The following SLC7A2 variants were observed in gnomAD, a reference collection of about 807,000 sequenced individuals.
SLC7A2 encodes the protein cationic amino acid transporter 2.
A neutral mutation model predicts 58.9 loss-of-function variants in SLC7A2; 48 were observed. The observed-to-expected ratio is 0.82, with a 90% CI of 0.65 to 1.04. The LOEUF (loss-of-function observed/expected upper bound fraction) is 1.04. SLC7A2 is among the 50% of genes least tolerant of loss of function. The pLI, the probability that SLC7A2 is intolerant of heterozygous loss-of-function variation, is 0.00. For synonymous variants in SLC7A2, 363 were observed against 314.5 expected, an observed-to-expected ratio of 1.15 and a Z score of -1.63; for missense variants, 1,029 against 818.8, an observed-to-expected ratio of 1.26 and a Z score of -3.13.
At chr8:17,537,868 G>A (rs918128012) in intron 2 of SLC7A2, among the ~76,000 whole-genome samples, 2 of 152,156 alleles carry the variant, frequency 1.3e-5, no homozygotes, top group Non-Finnish European at 2.9e-5. Flanking sequence ...TGAGGGCTTT[G>A]CTTTCTTCAT....
intron 2 of SLC7A2, among the ~76,000 whole-genome samples, chr8:17,525,160 G>A (rs1371995021): frequency 6.6e-6 from 1 of 152,110 alleles, no homozygotes; most frequent in South Asian, 2.1e-4. Context: ...CTTTCTGGGT[G>A]TCTTAGAGAT....
chr8:17,528,076 G>T (rs576779473), intron 2 of SLC7A2, among the ~76,000 whole-genome samples: 106 of 152,214 alleles, frequency 7.0e-4, no homozygotes, highest in African/African-American at 2.3e-3. Context: ...AGTGCAGAAC[G>T]CCCTGGGGCA....
In SLC7A2 at chr8:17,567,126, C is replaced by T. The variant is rs1188310606; in HGVS notation, c.*1980C>T. ...TAAAATCTGAAGCCCAGAATTTTCTCTCAAGCTGCGTGGTTTACTGGAGAG... is the reference window on the plus strand; with the variant it reads ...TAAAATCTGAAGCCCAGAATTTTCTTTCAAGCTGCGTGGTTTACTGGAGAG... On this transcript the variant is annotated 3_prime_UTR_variant, in exon 13 of 13. Coordinates refer to ENST00000494857, the MANE Select transcript of SLC7A2 (RefSeq NM_001370338.1). 6.5e-6 allele frequency: 1 copy of T among 152,718 alleles called. No homozygotes were observed. Among genetic ancestry groups the T allele is most frequent in the Admixed American group, 6.5e-5 (1 of 15,286 alleles). 9.5% of individuals were successfully genotyped at this position (152,718 alleles called of 1,614,324 possible). A position where few individuals can be genotyped will look rare whatever the true frequency, so the allele number is the denominator to read the frequency against.
chr8:17,543,651 C>G lies in SLC7A2; in HGVS notation c.312C>G (p.Tyr104Ter). ...PKTGSAYLYT[Y>*]VTVGELWAFI... is the part of the protein sequence containing the mutation. ...CGGGGTCTGCATATTTGTACACCTA[C>G]GTGACTGTCGGAGAGCTGTGGGCCT... The change falls in exon 3 of 13, where the codon TAC (tyrosine) becomes TAG (stop). Residue 104 changes from tyrosine (Y) to a stop codon, truncating the protein, a stop_gained. Transcript: ENST00000494857. LOFTEE classifies it high-confidence loss of function. The G allele has an allele frequency of 6.4e-7, 1 of 1,551,828 alleles. No homozygotes were observed. The highest frequency in any genetic ancestry group is 8.7e-7 in the Non-Finnish European group (1 of 1,150,646).
intron 2 of SLC7A2, among the ~76,000 whole-genome samples, chr8:17,517,057 A>G (rs930859250): frequency 6.6e-6 from 1 of 152,200 alleles, no homozygotes; most frequent in African/African-American, 2.4e-5. Context: ...TGGGAATTCT[A>G]TACGAAAAGT....
intron 2 of SLC7A2, among the ~76,000 whole-genome samples, chr8:17,539,759 A>T (rs1801830248): frequency 6.6e-6 from 1 of 152,144 alleles, no homozygotes; most frequent in Non-Finnish European, 1.5e-5. Flanking sequence ...GGTGCAGATC[A>T]TCTGCTCCTG....
intron 7 of SLC7A2, among the ~76,000 whole-genome samples, chr8:17,553,628 T>C (rs1281239852): frequency 6.6e-6 from 1 of 152,082 alleles, no homozygotes; most frequent in East Asian, 1.9e-4. Context: ...AGAAATTAGC[T>C]GAGCATGGTG....
chr8:17,567,513 CGGATGT>C lies in SLC7A2; in HGVS notation c.*2369_*2374del, dbSNP rs1434921099. 1.3e-5 allele frequency: 2 copies of C among 152,450 alleles called. No homozygotes were observed. The highest frequency in any genetic ancestry group is 1.3e-4 in the Admixed American group (2 of 15,252). The allele number at this position is 152,450 out of a possible 1,614,324, so 9.4% of individuals were successfully genotyped here. On this transcript the variant is annotated 3_prime_UTR_variant, in exon 13 of 13. Coordinates refer to ENST00000494857, the MANE Select transcript of SLC7A2 (RefSeq NM_001370338.1). ...TGCCTTTTTTTCTGTGAAGACTCAACGGATGTGTGTGTTTGTATGTTTGTTAACAGT... is the reference window on the plus strand; with the variant it reads ...TGCCTTTTTTTCTGTGAAGACTCAACGTGTGTTTGTATGTTTGTTAACAGT...
At chr8:17,563,220 G>T (rs529372682) in intron 11 of SLC7A2, among the ~76,000 whole-genome samples, 1 of 152,264 alleles carries the variant, frequency 6.6e-6, no homozygotes, top group East Asian at 1.9e-4. Context: ...TGTCCCATTT[G>T]AGCTAACCGT....
upstream of SLC7A2, among the ~76,000 whole-genome samples, chr8:17,494,879 G>C (rs1335049809): frequency 2.0e-5 from 3 of 152,232 alleles, no homozygotes; most frequent in South Asian, 4.1e-4. Context: ...TAGAGATGAA[G>C]TTGTTGTTCT....
intron 4 of SLC7A2, among the ~76,000 whole-genome samples, chr8:17,546,226 C>T (rs990183281): frequency 3.9e-5 from 6 of 152,184 alleles, no homozygotes; most frequent in African/African-American, 1.4e-4. Flanking sequence ...GAGCATGTAG[C>T]TGTGACACAA....
intron 11 of SLC7A2, 54 bp from the exon 12 acceptor site, chr8:17,563,548 TG>T (rs1235710412): frequency 9.4e-7 from 1 of 1,064,590 alleles, no homozygotes; most frequent in African/African-American, 1.6e-5. Context: ...TGAAATAACT[TG>T]GGGAATATGC....
At chr8:17,554,154 A>G (rs1277753369) in intron 7 of SLC7A2, among the ~76,000 whole-genome samples, 1 of 152,218 alleles carries the variant, frequency 6.6e-6, no homozygotes, top group Non-Finnish European at 1.5e-5. Context: ...AAAATTACTT[A>G]GTCTTTTCTT....
intron 2 of SLC7A2, among the ~76,000 whole-genome samples, chr8:17,523,399 A>G (rs1403874341): frequency 3.3e-5 from 5 of 152,236 alleles, no homozygotes; most frequent in East Asian, 1.9e-4. Context: ...ACAGCATGGT[A>G]TTGGTATAAG....
intron 1 of SLC7A2, chr8:17,498,594 G>C (rs1043334454): frequency 1.3e-5 from 2 of 152,146 alleles, no homozygotes; most frequent in African/African-American, 4.8e-5. Context: ...GCTCTGGGAG[G>C]CCACTTTATT....
intron 4 of SLC7A2, among the ~76,000 whole-genome samples, chr8:17,548,197 C>T (rs912063817): frequency 8.5e-5 from 13 of 152,188 alleles, no homozygotes; most frequent in Admixed American, 5.9e-4. Flanking sequence ...AAAAATTAGC[C>T]AGACATGGTG....
At chr8:17,540,501 C>G (rs550044683) in intron 2 of SLC7A2, among the ~76,000 whole-genome samples, 1 of 151,966 alleles carries the variant, frequency 6.6e-6, no homozygotes, top group Non-Finnish European at 1.5e-5. Flanking sequence ...CTCCCCCCAA[C>G]CCCTCCAAAA....
chr8:17,543,592 T>C lies in SLC7A2; in HGVS notation c.253T>C (p.Cys85Arg). Residue 85 changes from cysteine to arginine, a missense_variant, in exon 3 of 13, where the codon TGC becomes CGC. By Grantham distance (180) the Cys-to-Arg change is radical. Transcript: ENST00000494857. ...CCTGGCTTCAGTGATGGCTGGCCTC[T>C]GCTATGCCGAATTTGGGGCCCGTGT... is the stretch of plus-strand genomic sequence containing the variant. ...AALASVMAGL[C>R]YAEFGARVPK... is the part of the protein sequence containing the mutation. 1.9e-6 allele frequency: 3 copies of C among 1,607,878 alleles called. No individual in the cohort carries two copies. Among genetic ancestry groups the C allele is most frequent in the Non-Finnish European group, 2.5e-6 (3 of 1,177,008 alleles).
intron 2 of SLC7A2, among the ~76,000 whole-genome samples, chr8:17,516,798 A>G (rs1055583786): frequency 6.6e-6 from 1 of 152,232 alleles, no homozygotes; most frequent in Admixed American, 6.5e-5. Flanking sequence ...TAAGCATTCA[A>G]GAAAAACATG....
Sources: allele counts gnomAD v4.1 joint callset (sites outside exome capture counted in the v4.1 genomes callset), GRCh38; gene constraint gnomAD v4.1.1; transcripts MANE v1.5; gene names NCBI Gene and HGNC (gene_info 2026-07-23, HGNC 2026-07-21).